CCDC141: variants seen among roughly 807,000 people sequenced by gnomAD.
CCDC141 encodes the protein coiled-coil domain-containing protein 141.
CCDC141 carries 168 observed loss-of-function variants against 181.0 expected under a neutral mutation model. The observed-to-expected ratio is 0.93, with a 90% CI of 0.82 to 1.05. CCDC141 has a LOEUF of 1.05. Among genes scored for constraint, CCDC141 ranks in the 50% least tolerant of loss-of-function variants. The pLI is 0.00. For synonymous variants in CCDC141, 666 were observed against 642.3 expected (o/e 1.04, Z -0.56); for missense variants, 1,902 against 1,788.5 (o/e 1.06, Z -1.14).
chr2:179,039,311 A>G (rs1056720505), intron 2 of CCDC141, among the ~76,000 whole-genome samples: 1 of 152,134 alleles, frequency 6.6e-6, no homozygotes, highest in Non-Finnish European at 1.5e-5. Flanking sequence ...TCTTTAGTCT[A>G]TCTAAATTAC....
At chr2:179,041,695 G>A (rs1237512317) in intron 2 of CCDC141, among the ~76,000 whole-genome samples, 2 of 151,694 alleles carry the variant, frequency 1.3e-5, no homozygotes, top group African/African-American at 2.4e-5. Flanking sequence ...ACTCACATAG[G>A]CTCAAAATAC....
Position 178,837,434 on chromosome 2 carries a change from T to A in CCDC141, c.3785A>T (p.Gln1262Leu), listed in dbSNP as rs774824422. 2 of 1,614,080 alleles carry A rather than the reference T, an allele frequency of 1.2e-6. No homozygotes were observed. The highest frequency in any genetic ancestry group is 2.2e-5 in the South Asian group (2 of 91,084). ...AACAGGTGGTGGAAGAACAGATTCC[T>A]GGGCATCCCCTGGGCTGCTGGTCCC... ...QAGTSSPGDA[Q>L]ESVLPPPVAF... is the part of the protein sequence containing the mutation. Residue 1262 changes from glutamine to leucine, a missense_variant, in exon 23 of 24, where the codon CAG (glutamine) becomes CTG (leucine). By Grantham distance (113) the Gln-to-Leu change is moderately radical. Coordinates refer to ENST00000443758, the MANE Select transcript of CCDC141 (RefSeq NM_173648.4).
downstream of CCDC141, among the ~76,000 whole-genome samples, chr2:178,827,065 A>T (rs576988911): frequency 1.3e-5 from 2 of 152,218 alleles, no homozygotes; most frequent in Non-Finnish European, 2.9e-5. Context: ...TGGTAATTTC[A>T]TATTTTTCAA....
intron 5 of CCDC141, among the ~76,000 whole-genome samples, chr2:178,947,678 A>T (rs1435508514): frequency 2.0e-5 from 3 of 152,190 alleles, no homozygotes; most frequent in Non-Finnish European, 4.4e-5. Context: ...GTCAGCAAAG[A>T]TGCAGAGAGG....
chr2:178,938,752 A>G (rs1558993728), intron 6 of CCDC141, among the ~76,000 whole-genome samples: 1 of 152,158 alleles, frequency 6.6e-6, no homozygotes, highest in Non-Finnish European at 1.5e-5. Context: ...TCAAGGCTCT[A>G]TCTTACAAGT....
At chr2:178,903,058 T>C (rs1687784232) in intron 8 of CCDC141, among the ~76,000 whole-genome samples, 1 of 150,214 alleles carries the variant, frequency 6.7e-6, no homozygotes. Flanking sequence ...CACAATGAGA[T>C]ACCATCTCAC....
intron 2 of CCDC141, 42 bp from the exon 3 acceptor site, chr2:178,978,717 A>T: frequency 1.4e-6 from 2 of 1,398,518 alleles, no homozygotes; most frequent in South Asian, 3.0e-5. Flanking sequence ...GTGTTAACTT[A>T]ATGTAAGAAC....
intron 4 of CCDC141, among the ~76,000 whole-genome samples, chr2:178,973,562 C>A (rs955311260): frequency 6.6e-6 from 1 of 152,122 alleles, no homozygotes; most frequent in Non-Finnish European, 1.5e-5. Context: ...GCCCACAGTG[C>A]CGCAGATCCT....
intron 12 of CCDC141, chr2:178,877,428 T>C (rs1686400509): frequency 6.6e-6 from 1 of 152,428 alleles, no homozygotes; most frequent in Admixed American, 6.5e-5. Context: ...AAGTGGACTA[T>C]CTTTTAAGTA....
chr2:179,002,149 C>T (rs184732635), intron 2 of CCDC141: 94 of 239,846 alleles, frequency 3.9e-4, no homozygotes, highest in African/African-American at 1.8e-3. Flanking sequence ...AAGCACATGG[C>T]CACAGAAGTA....
intron 2 of CCDC141, among the ~76,000 whole-genome samples, chr2:178,980,894 A>G (rs1691353542): frequency 6.6e-6 from 1 of 152,212 alleles, no homozygotes; most frequent in Non-Finnish European, 1.5e-5. Flanking sequence ...AAAAAAAGGT[A>G]AATGGACAGA....
chr2:178,962,596 CTTTCTTTCT>C (rs771967185), intron 4 of CCDC141, among the ~76,000 whole-genome samples: 6 of 151,742 alleles, frequency 4.0e-5, no homozygotes, highest in Non-Finnish European at 8.8e-5. Flanking sequence ...CCCCTTCTTT[CTTTCTTTCT>C]TTTCTTTCTT....
intron 2 of CCDC141, chr2:179,002,416 C>A: frequency 2.8e-6 from 1 of 358,774 alleles, no homozygotes; most frequent in South Asian, 2.3e-5. Context: ...AAGGATGTTC[C>A]TGGACTGACT....
At chr2:178,865,368 G>C (rs981336197) in intron 17 of CCDC141, among the ~76,000 whole-genome samples, 2 of 152,202 alleles carry the variant, frequency 1.3e-5, no homozygotes, top group African/African-American at 4.8e-5. Flanking sequence ...GCTGGAGTTG[G>C]CTGCAACGAA....
chr2:178,818,082 C>T, the CCDC141 span, among the ~76,000 whole-genome samples: 2 of 152,088 alleles, frequency 1.3e-5, no homozygotes, highest in Admixed American at 6.6e-5. Flanking sequence ...GGATTACAGG[C>T]GTGAGCCACC....
At chr2:178,969,371 C>T (rs1690780975) in intron 4 of CCDC141, among the ~76,000 whole-genome samples, 1 of 152,130 alleles carries the variant, frequency 6.6e-6, no homozygotes, top group Admixed American at 6.5e-5. Context: ...CGCAAAAATC[C>T]TCAATAAAAT....
chr2:178,844,450 C>A (rs1684851865), intron 22 of CCDC141, among the ~76,000 whole-genome samples: 1 of 152,142 alleles, frequency 6.6e-6, no homozygotes, highest in Non-Finnish European at 1.5e-5. Context: ...GGTTGAGAAA[C>A]CCTGATTTAG....
intron 4 of CCDC141, among the ~76,000 whole-genome samples, chr2:178,962,212 ATGT>A (rs1690437149): frequency 6.6e-6 from 1 of 152,146 alleles, no homozygotes; most frequent in African/African-American, 2.4e-5. Flanking sequence ...TAGAATTGGG[ATGT>A]TAAGCCTAAA....
chr2:178,949,956 A>G (rs1410569568), intron 5 of CCDC141, among the ~76,000 whole-genome samples: 1 of 152,232 alleles, frequency 6.6e-6, no homozygotes, highest in Non-Finnish European at 1.5e-5. Context: ...TTTTTCTGCA[A>G]TTTGTTCTAC....
Sources: gnomAD v4.1 joint callset for allele counts (sites outside exome capture counted in the v4.1 genomes callset) on GRCh38, gnomAD v4.1.1 for gene constraint, MANE v1.5 for transcripts, NCBI Gene and HGNC (gene_info 2026-07-23, HGNC 2026-07-21) for gene names.